Variants in PCDHGA6 observed in about 807,000 individuals in gnomAD.
PCDHGA6 encodes the protein protocadherin gamma subfamily A, 6.
Under a neutral mutation model 60.6 loss-of-function variants are expected in PCDHGA6, and 41 were observed. That is an observed-to-expected ratio of 0.68 (90% CI 0.53 to 0.88). The LOEUF (loss-of-function observed/expected upper bound fraction) is 0.88, where lower values mean the gene tolerates loss of function less well. Among genes scored for constraint, PCDHGA6 ranks in the 40% least tolerant of loss-of-function variants. The pLI is 0.00. For synonymous variants in PCDHGA6, 594 were observed against 524.4 expected (o/e 1.13, Z -1.81); for missense variants, 1,312 against 1,203.0 (o/e 1.09, Z -1.34).
At chr5:141,423,679 C>T in intron 1 of PCDHGA6, 2 of 1,487,594 alleles carry the variant, frequency 1.3e-6, no homozygotes, top group South Asian at 1.3e-5. Context: ...TATTTCTCTG[C>T]CTCCTAATTG....
intron 1 of PCDHGA6, among the ~76,000 whole-genome samples, chr5:141,429,660 ATATAT>A (rs1388009014): frequency 1.3e-5 from 2 of 152,336 alleles, no homozygotes; most frequent in African/African-American, 4.8e-5. Flanking sequence ...CCAATTTAAA[ATATAT>A]TATTTTATTT....
intron 1 of PCDHGA6, among the ~76,000 whole-genome samples, chr5:141,462,783 T>A (rs1313584666): frequency 6.6e-6 from 1 of 152,236 alleles, no homozygotes; most frequent in Non-Finnish European, 1.5e-5. Flanking sequence ...CATAATTTGT[T>A]GCTTATTTGC....
chr5:141,405,273 A>G (rs762280864), intron 1 of PCDHGA6: 5 of 1,613,974 alleles, frequency 3.1e-6, no homozygotes, highest in African/African-American at 2.7e-5. Context: ...CCCCAGCCCA[A>G]CTATGCAGAC....
intron 1 of PCDHGA6, among the ~76,000 whole-genome samples, chr5:141,467,475 T>C (rs2099144764): frequency 6.6e-6 from 1 of 152,248 alleles, no homozygotes; most frequent in Non-Finnish European, 1.5e-5. Flanking sequence ...GCATGGTTTT[T>C]GGTTTCCACA....
At position 141,485,929 on chromosome 5, in the gene PCDHGA6, G is replaced by A; in HGVS notation, c.2425-8878G>A. 1 of 1,614,150 alleles carries A rather than the reference G, an allele frequency of 6.2e-7. No homozygotes were observed. The highest frequency in any genetic ancestry group is 8.5e-7 in the Non-Finnish European group (1 of 1,180,036). ...AATCCAGCTACAGGATTAGTGTGTT[G>A]GAGAGCGCACCAGCGGGCATGGTGC... On this transcript the variant is annotated intron_variant, in intron 1 of 3. Coordinates refer to ENST00000517434, the MANE Select transcript of PCDHGA6 (RefSeq NM_018919.3). This position sits in a 1 kb window ranked among gnomAD's most constrained non-coding sequence, Gnocchi z 5.7.
At chr5:141,494,682 C>G (rs1282135022) in intron 1 of PCDHGA6, 125 bp from the exon 2 acceptor site, 16 of 1,564,362 alleles carry the variant, frequency 1.0e-5, no homozygotes, top group African/African-American at 1.4e-5. Context: ...ACCCCTGCCC[C>G]CTCTTAGTCC....
intron 3 of PCDHGA6, among the ~76,000 whole-genome samples, chr5:141,509,211 C>T (rs962706371): frequency 2.0e-5 from 3 of 152,180 alleles, no homozygotes; most frequent in African/African-American, 4.8e-5. Context: ...CTCTCTATTT[C>T]TCAATCCCTG....
At chr5:141,425,392 A>G (rs2096872216) in intron 1 of PCDHGA6, among the ~76,000 whole-genome samples, 1 of 152,232 alleles carries the variant, frequency 6.6e-6, no homozygotes, top group African/African-American at 2.4e-5. Flanking sequence ...GGTAGTGATA[A>G]AGTTCTGTTA....
rs771088007 is a variant in PCDHGA6, at chr5:141,423,000, G to A, written c.2424+46493G>A. On this transcript the variant is annotated intron_variant, in intron 1 of 3. Transcript: ENST00000517434. ...CGGAACCTGGCTACCTGGTGACCAA[G>A]GTGGTTGCGGTGGACAAAGATTCAG... The A allele has an allele frequency of 9.3e-6, 15 of 1,614,116 alleles. No homozygotes were observed. The African/African-American group carries it at 1.9e-4, about 20-fold the overall frequency.
intron 1 of PCDHGA6, among the ~76,000 whole-genome samples, chr5:141,406,485 G>T (rs2094815755): frequency 6.6e-6 from 1 of 152,142 alleles, no homozygotes; most frequent in Non-Finnish European, 1.5e-5. Flanking sequence ...ATATTTTTCA[G>T]ATCACAAGTG....
At chr5:141,421,436 G>C (rs373015809) in intron 1 of PCDHGA6, 6 of 1,613,994 alleles carry the variant, frequency 3.7e-6, no homozygotes, top group African/African-American at 2.7e-5. Context: ...ATCGTCTCCA[G>C]AGGGAAGACA....
chr5:141,437,346 T>C (rs143931647), intron 1 of PCDHGA6, among the ~76,000 whole-genome samples: 2 of 152,380 alleles, frequency 1.3e-5, no homozygotes, highest in East Asian at 3.9e-4. Flanking sequence ...CACTGTTTTA[T>C]AGTACCTAAA....
chr5:141,384,553 G>A (rs756336021), intron 1 of PCDHGA6: 3 of 1,614,152 alleles, frequency 1.9e-6, no homozygotes, highest in Admixed American at 1.7e-5. Context: ...GAGCCTGTTC[G>A]TGCTGGACCA....
At chr5:141,404,661 A>G (rs930319561) in intron 1 of PCDHGA6, 1 of 1,614,098 alleles carries the variant, frequency 6.2e-7, no homozygotes. Context: ...CTCCCCACTG[A>G]TGGTTCTACT....
Position 141,487,193 on chromosome 5 carries a change from C to T in PCDHGA6, c.2425-7614C>T. 6.2e-7 allele frequency: 1 copy of T among 1,613,784 alleles called. No individual in the cohort carries two copies. Among genetic ancestry groups the T allele is most frequent in the Non-Finnish European group, 8.5e-7 (1 of 1,179,724 alleles). On this transcript the variant is annotated intron_variant, in intron 1 of 3. Transcript: ENST00000517434. The surrounding 1 kb of genome is among the most constrained non-coding windows in gnomAD (Gnocchi z 5.0). ...AGAGGAAGACACTCATCCAGTTGTC[C>T]CAGATCTTCGAGAATCTTCAGCTCC...
rs905837179 is a variant in PCDHGA6 at position 141,478,541 on chromosome 5, G to A, written c.2425-16266G>A. ...GTTGGGTGCAGAGAGCGCCCCTCCCGGACAGGTAAGGTTTAGCAAGTCATG... is the reference window on the plus strand; with the variant it reads ...GTTGGGTGCAGAGAGCGCCCCTCCCAGACAGGTAAGGTTTAGCAAGTCATG... On this transcript the variant is annotated intron_variant, in intron 1 of 3. Coordinates refer to ENST00000517434, the MANE Select transcript of PCDHGA6 (RefSeq NM_018919.3). 4 of 1,605,470 alleles carry A rather than the reference G, an allele frequency of 2.5e-6. No homozygotes were observed. The Admixed American group carries it at 5.2e-5, about 21-fold the overall frequency.
chr5:141,413,803 G>A (rs1331029473), intron 1 of PCDHGA6: 3 of 1,613,142 alleles, frequency 1.9e-6, no homozygotes, highest in Non-Finnish European at 1.7e-6. Flanking sequence ...CGAGGAAGAG[G>A]CCATTCACCA....
In PCDHGA6 at chr5:141,432,006, C is replaced by T. The variant is rs138689793; in HGVS notation, c.2424+55499C>T. Reference sequence around the variant, plus strand: ...ATAGTCTTGGATAGGGAACAGGTTCCTAGCTACAACATCACAGTGACCGCC... The same window carrying T: ...ATAGTCTTGGATAGGGAACAGGTTCTTAGCTACAACATCACAGTGACCGCC... On this transcript the variant is annotated intron_variant, in intron 1 of 3. Transcript: ENST00000517434. This position sits in a 1 kb window ranked among gnomAD's most constrained non-coding sequence, Gnocchi z 6.0. The T allele has an allele frequency of 2.6e-4, 412 of 1,614,186 alleles. 2 individuals carry two copies. The African/African-American group carries it at 4.6e-3, about 18-fold the overall frequency.
At chr5:141,388,939 A>G in intron 1 of PCDHGA6, 1 of 1,613,984 alleles carries the variant, frequency 6.2e-7, no homozygotes, top group Non-Finnish European at 8.5e-7. Flanking sequence ...TCTCTACCCA[A>G]CCTAATTATG....
Sources: allele counts gnomAD v4.1 joint callset (sites outside exome capture counted in the v4.1 genomes callset), GRCh38; gene constraint gnomAD v4.1.1; non-coding constraint Gnocchi (gnomAD v3.1); transcripts MANE v1.5; gene names NCBI Gene and HGNC (gene_info 2026-07-23, HGNC 2026-07-21).